XRN2: variants seen among roughly 807,000 people sequenced by gnomAD.
XRN2 encodes 5'-3' exoribonuclease 2, also known as DHM1-like protein.
A neutral mutation model predicts 138.5 loss-of-function variants in XRN2; 44 were observed. That is an observed-to-expected ratio of 0.32 (90% CI 0.25 to 0.41). XRN2 has a LOEUF of 0.41. XRN2 is among the 10% of genes least tolerant of loss of function. The pLI, the probability that XRN2 is intolerant of heterozygous loss-of-function variation, is 1.00. For missense variants in XRN2, 937 were observed against 1,169.3 expected, an observed-to-expected ratio of 0.80 and a Z score of 2.90; for synonymous variants, 354 against 369.4, an observed-to-expected ratio of 0.96 and a Z score of 0.48.
In XRN2 at chr20:21,358,760, C is replaced by T. The variant is rs144968494; in HGVS notation, c.2255+968C>T. Among the ~76,000 whole-genome samples, 144 of 151,348 alleles carry T rather than the reference C, an allele frequency of 9.5e-4. No homozygotes were observed. In the East Asian group the frequency reaches 0.021, roughly 22 times the overall value. ...GATGAGTTGCTTACGTTTATCTTTA[C>T]GTATAATTTTTTGTTTATCTTTACA... On this transcript the variant is annotated intron_variant, in intron 24 of 29. Transcript: ENST00000377191.
chr20:21,317,634 T>C (rs530001174), intron 1 of XRN2, among the ~76,000 whole-genome samples: 4 of 152,336 alleles, frequency 2.6e-5, no homozygotes, highest in Admixed American at 2.0e-4. Flanking sequence ...GCACATCTTC[T>C]CGTATATTTT....
At chr20:21,365,516 A>G (rs757880131) in intron 25 of XRN2, 27 bp downstream of exon 25, 2 of 1,613,694 alleles carry the variant, frequency 1.2e-6, no homozygotes, top group Admixed American at 3.3e-5. Context: ...ACCTAGATTT[A>G]TTTTGTACAA....
At chr20:21,388,133 A>G (rs925526554) in intron 29 of XRN2, among the ~76,000 whole-genome samples, 1 of 152,218 alleles carries the variant, frequency 6.6e-6, no homozygotes, top group African/African-American at 2.4e-5. Context: ...ACTGGAAGAA[A>G]CCTTGGAGAA....
intron 29 of XRN2, 41 bp from the exon 30 acceptor site, chr20:21,389,232 A>G: frequency 1.3e-6 from 2 of 1,563,982 alleles, no homozygotes; most frequent in South Asian, 2.3e-5. Flanking sequence ...TTGCAGGAGT[A>G]TCGGTCCAGA....
intron 7 of XRN2, 62 bp from the exon 8 acceptor site, chr20:21,331,706 T>C: frequency 6.3e-7 from 1 of 1,591,502 alleles, no homozygotes; most frequent in East Asian, 2.2e-5. Flanking sequence ...ATACTTGGTA[T>C]GAAGTGATAT....
At chr20:21,312,048 A>G (rs1421000752) in intron 1 of XRN2, among the ~76,000 whole-genome samples, 2 of 151,928 alleles carry the variant, frequency 1.3e-5, no homozygotes, top group Non-Finnish European at 1.5e-5. Flanking sequence ...TCATCTTACT[A>G]TTTGTTTTCT....
At chr20:21,329,223 G>GT (rs1475583708) in intron 4 of XRN2, among the ~76,000 whole-genome samples, 1 of 152,144 alleles carries the variant, frequency 6.6e-6, no homozygotes, top group Non-Finnish European at 1.5e-5. Context: ...AGGGGTTAGG[G>GT]TGGGATGTCT....
At chr20:21,377,238 T>C (rs2038832419) in intron 27 of XRN2, among the ~76,000 whole-genome samples, 1 of 151,528 alleles carries the variant, frequency 6.6e-6, no homozygotes, top group Non-Finnish European at 1.5e-5. Context: ...TTAAGCATAG[T>C]CCAACATATG....
chr20:21,303,732 C>T (rs953307046), intron 1 of XRN2: 1 of 1,229,660 alleles, frequency 8.1e-7, no homozygotes, highest in South Asian at 2.9e-5. Context: ...CGCTCCTCCC[C>T]TACTCGCTTT....
At chr20:21,356,208 G>A (rs1449620176) in intron 22 of XRN2, 31 bp downstream of exon 22, 2 of 1,551,086 alleles carry the variant, frequency 1.3e-6, no homozygotes, top group East Asian at 2.3e-5. Flanking sequence ...AATTAGAAAT[G>A]CACTTTTTAA....
In XRN2 at chr20:21,330,470, C is replaced by T; in HGVS notation, c.428-11C>T. ...TTATGGGGAGAACAAAACGTTGCCT[C>T]TTTTCTCTAGGTGGCTTTCTTCCTC... On this transcript the variant is annotated splice_polypyrimidine_tract_variant and intron_variant, in intron 4 of 29. Transcript: ENST00000377191. The T allele has an allele frequency of 1.9e-6, 3 of 1,612,876 alleles. No homozygotes were observed. In the South Asian group the frequency reaches 3.3e-5, roughly 18 times the overall value.
Position 21,335,843 on chromosome 20 carries a change from C to T in XRN2, c.1233+1658C>T, listed in dbSNP as rs1004937492. Among the ~76,000 whole-genome samples, 6 of 152,170 alleles carry T rather than the reference C, an allele frequency of 3.9e-5. No individual in the cohort carries two copies. The South Asian group carries it at 8.3e-4, about 21-fold the overall frequency. ...CATAGTGTTACAGATTTAATTAATA[C>T]GATTTTTCAGCTGACCTGGCAGGAG... On this transcript the variant is annotated intron_variant, in intron 13 of 29. Transcript: ENST00000377191.
chr20:21,376,960 T>G (rs1427997983), intron 27 of XRN2, among the ~76,000 whole-genome samples: 1 of 152,112 alleles, frequency 6.6e-6, no homozygotes, highest in East Asian at 1.9e-4. Flanking sequence ...GCATATAAAC[T>G]AGAAACATAA....
At chr20:21,328,123 A>G (rs2038153415) in intron 3 of XRN2, among the ~76,000 whole-genome samples, 2 of 152,164 alleles carry the variant, frequency 1.3e-5, no homozygotes, top group South Asian at 4.1e-4. Context: ...TCCCATTTGG[A>G]CACCATTCTT....
In XRN2 at chr20:21,346,498, T is replaced by C. The variant is rs765482395; in HGVS notation, c.1613T>C (p.Val538Ala). Residue 538 changes from valine to alanine, a missense_variant, in exon 17 of 30, where the codon GTT (valine) becomes GCT (alanine). Physicochemically the swap from Val to Ala is moderately conservative, Grantham distance 64 (BLOSUM62 0). Coordinates refer to ENST00000377191, the MANE Select transcript of XRN2 (RefSeq NM_012255.5). ...DAADEKFRRK[V>A]VQSYVEGLCW... is the part of the protein sequence containing the mutation. ...GCTGATGAGAAATTCCGTCGGAAAG[T>C]TGTGCAGTCGTACGTTGAAGGACTT... The C allele has an allele frequency of 6.2e-7, 1 of 1,614,178 alleles. No individual in the cohort carries two copies. Among genetic ancestry groups the C allele is most frequent in the Non-Finnish European group, 8.5e-7 (1 of 1,180,010 alleles).
At chr20:21,342,572 G>A (rs2038386122) in intron 15 of XRN2, among the ~76,000 whole-genome samples, 1 of 152,186 alleles carries the variant, frequency 6.6e-6, no homozygotes, top group Admixed American at 6.5e-5. Flanking sequence ...CAACTTCTCT[G>A]TAGACAGTTA....
At chr20:21,351,899 A>G (rs1332941576) in intron 20 of XRN2, among the ~76,000 whole-genome samples, 4 of 152,176 alleles carry the variant, frequency 2.6e-5, no homozygotes, top group Admixed American at 2.0e-4. Flanking sequence ...TGGGCTGTCT[A>G]TTCTAGTCCA....
At chr20:21,312,881 C>T (rs1254700580) in intron 1 of XRN2, among the ~76,000 whole-genome samples, 2 of 151,992 alleles carry the variant, frequency 1.3e-5, no homozygotes, top group East Asian at 3.9e-4. Context: ...GGATTAGAGG[C>T]GTGAGCCACC....
At chr20:21,350,384 G>A (rs766656223) in intron 20 of XRN2, among the ~76,000 whole-genome samples, 2 of 151,924 alleles carry the variant, frequency 1.3e-5, no homozygotes, top group Non-Finnish European at 2.9e-5. Flanking sequence ...AAATTAGCCT[G>A]GTGTGGTGGC....
Sources: allele counts gnomAD v4.1 joint callset (sites outside exome capture counted in the v4.1 genomes callset), GRCh38; gene constraint gnomAD v4.1.1; transcripts MANE v1.5; gene names NCBI Gene and HGNC (gene_info 2026-07-23, HGNC 2026-07-21).